TRHDE: variants seen among roughly 807,000 people sequenced by gnomAD.
The protein encoded by TRHDE is thyrotropin releasing hormone degrading enzyme.
In TRHDE, 72 loss-of-function variants were observed where a neutral mutation model predicts 125.7. That is an observed-to-expected ratio of 0.57 (90% CI 0.47 to 0.70). The LOEUF (loss-of-function observed/expected upper bound fraction) is 0.70, where lower values mean the gene tolerates loss of function less well. Among genes scored for constraint, TRHDE ranks in the 30% least tolerant of loss-of-function variants. TRHDE has a pLI of 0.00. For missense variants in TRHDE, 1,110 were observed against 1,327.1 expected (o/e 0.84, Z 2.54); for synonymous variants, 509 against 509.1 (o/e 1.00, Z 0.00).
chr12:72,113,722 G>T (rs776069472), intron 2 of TRHDE, among the ~76,000 whole-genome samples: 2 of 151,768 alleles, frequency 1.3e-5, no homozygotes, highest in African/African-American at 4.8e-5. Context: ...GGTTTGAAAA[G>T]CTTTGTGCCA....
intron 3 of TRHDE, among the ~76,000 whole-genome samples, chr12:72,444,539 A>C (rs1241950420): frequency 6.6e-6 from 1 of 151,836 alleles, no homozygotes; most frequent in African/African-American, 2.4e-5. Context: ...CATCCTGCTA[A>C]ACTTTAGTTT....
chr12:72,178,276 A>G (rs1877028610), intron 2 of TRHDE, among the ~76,000 whole-genome samples: 1 of 152,144 alleles, frequency 6.6e-6, no homozygotes, highest in Non-Finnish European at 1.5e-5. Flanking sequence ...TTGAGTCATC[A>G]GACAGTTTAC....
chr12:72,515,392 T>C (rs1420350072), intron 6 of TRHDE, among the ~76,000 whole-genome samples: 1 of 150,066 alleles, frequency 6.7e-6, no homozygotes, highest in East Asian at 2.0e-4. Context: ...TGGCCAGTGA[T>C]GGTGAGCATT....
intron 2 of TRHDE, among the ~76,000 whole-genome samples, chr12:72,249,492 G>A (rs1342321263): frequency 6.6e-6 from 1 of 152,116 alleles, no homozygotes; most frequent in Admixed American, 6.5e-5. Context: ...TTTCAGATCA[G>A]CCTGGGAAAT....
At chr12:72,365,029 T>C (rs1430335673) in intron 2 of TRHDE, among the ~76,000 whole-genome samples, 2 of 152,142 alleles carry the variant, frequency 1.3e-5, no homozygotes, top group Admixed American at 1.3e-4. Context: ...GTTTTATCTC[T>C]GGGCTGTGAC....
At chr12:72,269,016 T>C (rs1252996849), upstream of TRHDE, among the ~76,000 whole-genome samples, 1 of 152,104 alleles carries the variant, frequency 6.6e-6, no homozygotes, top group East Asian at 1.9e-4. Context: ...AAATCAAACC[T>C]ATCTTGAATC....
intron 2 of TRHDE, among the ~76,000 whole-genome samples, chr12:72,223,005 T>A (rs1232686073): frequency 6.6e-6 from 1 of 152,066 alleles, no homozygotes; most frequent in Non-Finnish European, 1.5e-5. Context: ...CTAAGACAAG[T>A]TCTATTTACA....
At position 72,636,171 on chromosome 12, in the gene TRHDE, T is replaced by C. The variant is rs1382320036; in HGVS notation, c.2675+14420T>C. ...TCTTCCATGTGTTTGTATCCTCTTT[T>C]ATTTCATTGAGCAGTGGTTTGTAGT... On this transcript the variant is annotated intron_variant, in intron 15 of 18. Coordinates refer to ENST00000261180, the MANE Select transcript of TRHDE (RefSeq NM_013381.3). 3.9e-5 allele frequency among the ~76,000 whole-genome samples: 6 copies of C among 152,306 alleles called. No homozygotes were observed. The East Asian group carries it at 1.2e-3, about 29-fold the overall frequency.
At chr12:72,165,350 A>C (rs1876721105) in intron 2 of TRHDE, among the ~76,000 whole-genome samples, 1 of 152,214 alleles carries the variant, frequency 6.6e-6, no homozygotes, top group Non-Finnish European at 1.5e-5. Flanking sequence ...ATTGCTGATA[A>C]TAAGTTAATA....
chr12:72,495,631 TGTTGA>T (rs1018833466), intron 5 of TRHDE, among the ~76,000 whole-genome samples: 43 of 152,302 alleles, frequency 2.8e-4, no homozygotes, highest in African/African-American at 9.6e-4. Flanking sequence ...TTTGTTCTAC[TGTTGA>T]GTTATTTAAG....
At chr12:72,649,751 A>C (rs1185538595) in intron 15 of TRHDE, among the ~76,000 whole-genome samples, 1 of 152,176 alleles carries the variant, frequency 6.6e-6, no homozygotes, top group African/African-American at 2.4e-5. Flanking sequence ...TTTTCTCACC[A>C]GATGACATAG....
rs1013288268 is a variant in TRHDE at position 72,317,479 on chromosome 12, G to A, written c.1188+30525G>A. Among the ~76,000 whole-genome samples, 2 of 152,086 alleles carry A rather than the reference G, an allele frequency of 1.3e-5. 1 individual carries two copies. Among genetic ancestry groups the A allele is most frequent in the Non-Finnish European group, 2.9e-5 (2 of 68,018 alleles). The stretch of plus-strand genomic sequence containing the variant: ...CCAAGATAAAGGCACTGGTAGGTTC[G>A]GTGTCTGGTGAAGGCTCACTCTCTG... On this transcript the variant is annotated intron_variant, in intron 2 of 18. Transcript: ENST00000261180.
At chr12:72,353,002 A>T (rs547150522) in intron 2 of TRHDE, among the ~76,000 whole-genome samples, 7 of 151,162 alleles carry the variant, frequency 4.6e-5, no homozygotes, top group East Asian at 1.9e-4. Flanking sequence ...CTTCTTTTTT[A>T]AAAAAATTAC....
chr12:72,333,742 G>T (rs1189593274), intron 2 of TRHDE, among the ~76,000 whole-genome samples: 1 of 152,316 alleles, frequency 6.6e-6, no homozygotes, highest in South Asian at 2.1e-4. Context: ...TTGAGCGAGT[G>T]CTTTGAATTT....
chr12:72,557,832 T>C (rs1335417326), intron 7 of TRHDE, among the ~76,000 whole-genome samples: 1 of 152,166 alleles, frequency 6.6e-6, no homozygotes, highest in Non-Finnish European at 1.5e-5. Flanking sequence ...TATACTGAAA[T>C]AATGAATTAT....
At chr12:72,466,808 A>C (rs1180717116) in intron 3 of TRHDE, among the ~76,000 whole-genome samples, 1 of 152,178 alleles carries the variant, frequency 6.6e-6, no homozygotes, top group African/African-American at 2.4e-5. Context: ...TGCCTTGACC[A>C]CACCACACCC....
At chr12:72,535,179 TAG>T (rs1209793555) in intron 6 of TRHDE, among the ~76,000 whole-genome samples, 1 of 152,090 alleles carries the variant, frequency 6.6e-6, no homozygotes, top group African/African-American at 2.4e-5. Context: ...AATTTTGAAA[TAG>T]GTGTTCTTAT....
At chr12:72,571,211 T>A (rs1428109723) in intron 10 of TRHDE, among the ~76,000 whole-genome samples, 1 of 152,232 alleles carries the variant, frequency 6.6e-6, no homozygotes, top group Non-Finnish European at 1.5e-5. Flanking sequence ...TCCCATCTCC[T>A]CTTTTTCAAG....
chr12:72,448,457 T>G (rs1237597063), intron 3 of TRHDE, among the ~76,000 whole-genome samples: 1 of 152,082 alleles, frequency 6.6e-6, no homozygotes, highest in African/African-American at 2.4e-5. Context: ...AAATAAGCAT[T>G]GGTTTTATTT....
Sources: gnomAD v4.1 joint callset for allele counts (sites outside exome capture counted in the v4.1 genomes callset) on GRCh38, gnomAD v4.1.1 for gene constraint, MANE v1.5 for transcripts, NCBI Gene and HGNC (gene_info 2026-07-23, HGNC 2026-07-21) for gene names.